The following ARAP2 variants were observed in gnomAD, a reference collection of about 807,000 sequenced individuals.
The protein encoded by ARAP2 is ArfGAP with RhoGAP domain, ankyrin repeat and PH domain 2, also known as arf-GAP with Rho-GAP domain, ANK repeat and PH domain-containing protein 2.
Under a neutral mutation model 194.5 loss-of-function variants are expected in ARAP2, and 148 were observed. The ratio of observed to expected loss-of-function variants is 0.76; its 90% CI spans 0.67 to 0.87. ARAP2 has a LOEUF of 0.87. Among genes scored for constraint, ARAP2 ranks in the 40% least tolerant of loss-of-function variants. The pLI, the probability that ARAP2 is intolerant of heterozygous loss-of-function variation, is 0.00. For missense variants in ARAP2, 2,128 were observed against 1,989.7 expected (o/e 1.07, Z -1.32); for synonymous variants, 695 against 683.5 (o/e 1.02, Z -0.26).
At chr4:36,132,001 TTAA>T (rs1725567609) in intron 20 of ARAP2, among the ~76,000 whole-genome samples, 1 of 151,750 alleles carries the variant, frequency 6.6e-6, no homozygotes, top group Non-Finnish European at 1.5e-5. Context: ...AATCTGGACA[TTAA>T]TAATTGCACT....
chr4:36,144,864 C>T (rs1729250349), intron 19 of ARAP2, among the ~76,000 whole-genome samples: 1 of 151,882 alleles, frequency 6.6e-6, no homozygotes. Flanking sequence ...CCTCCTCAAC[C>T]TACATATATA....
chr4:36,074,331 C>G (rs1197655269), intron 31 of ARAP2, among the ~76,000 whole-genome samples: 1 of 152,010 alleles, frequency 6.6e-6, no homozygotes, highest in Non-Finnish European at 1.5e-5. Context: ...GAAATATAAT[C>G]TTTTTACTCA....
intron 8 of ARAP2, 81 bp downstream of exon 8, chr4:36,187,370 T>G: frequency 3.0e-5 from 23 of 767,794 alleles, no homozygotes; most frequent in Non-Finnish European, 4.3e-5. Flanking sequence ...AAAGGTTTCT[T>G]GACATTCCTA....
At chr4:36,115,632 T>C (rs890669575) in intron 25 of ARAP2, among the ~76,000 whole-genome samples, 2 of 151,960 alleles carry the variant, frequency 1.3e-5, no homozygotes, top group African/African-American at 4.8e-5. Context: ...CCAGTCGAGA[T>C]TATGATGACC....
intron 3 of ARAP2, 119 bp from the exon 4 acceptor site, chr4:36,213,438 G>C (rs181425382): frequency 4.4e-6 from 3 of 676,966 alleles, no homozygotes; most frequent in Non-Finnish European, 7.5e-6. Flanking sequence ...GCTTTATTCT[G>C]TAAGAGTCCA....
chr4:36,147,964 G>T (rs1355359091), intron 17 of ARAP2, among the ~76,000 whole-genome samples: 1 of 152,036 alleles, frequency 6.6e-6, no homozygotes, highest in East Asian at 1.9e-4. Context: ...CATTTTTCTT[G>T]CTATGTATAG....
chr4:36,215,024 A>T (rs1747600330), intron 2 of ARAP2, among the ~76,000 whole-genome samples: 2 of 152,220 alleles, frequency 1.3e-5, no homozygotes, highest in Non-Finnish European at 2.9e-5. Flanking sequence ...ATTATTTAGA[A>T]TACAACATGA....
intron 6 of ARAP2, among the ~76,000 whole-genome samples, chr4:36,016,199 A>G (rs1290225783): frequency 6.6e-6 from 1 of 152,214 alleles, no homozygotes; most frequent in Non-Finnish European, 1.5e-5. Flanking sequence ...TTACAAAAGA[A>G]TATGTATAGT....
At position 36,107,647 on chromosome 4, in the gene ARAP2, C is replaced by T; in HGVS notation, c.4203G>A (p.Arg1401=). 6.2e-7 allele frequency: 1 copy of T among 1,610,682 alleles called. No individual in the cohort carries two copies. Among genetic ancestry groups the T allele is most frequent in the East Asian group, 2.2e-5 (1 of 44,612 alleles). Residue 1401 remains arginine, a synonymous_variant, in exon 27 of 33, where the codon CGG becomes CGA. Transcript: ENST00000303965. ...YKENVLEQVL[R]WSSLAEPGSA... ...AGCCAGGTTCAGCTAATGAACTCCACCGAAGCACCTGCTCCAGTACATTTT... is the reference window on the plus strand; with the variant it reads ...AGCCAGGTTCAGCTAATGAACTCCATCGAAGCACCTGCTCCAGTACATTTT...
chr4:36,074,591 T>C (rs1428817196), intron 31 of ARAP2, among the ~76,000 whole-genome samples: 1 of 152,030 alleles, frequency 6.6e-6, no homozygotes, highest in Non-Finnish European at 1.5e-5. Context: ...TTCCAGAATT[T>C]GGAAAAAGTA....
chr4:36,131,594 G>T (rs1725475546), intron 20 of ARAP2, among the ~76,000 whole-genome samples: 1 of 151,540 alleles, frequency 6.6e-6, no homozygotes, highest in Non-Finnish European at 1.5e-5. Context: ...AAAATCGAAT[G>T]CTGAGTTATT....
chr4:36,078,613 A>G (rs566545098), intron 31 of ARAP2, among the ~76,000 whole-genome samples: 1 of 152,296 alleles, frequency 6.6e-6, no homozygotes, highest in East Asian at 1.9e-4. Flanking sequence ...AAGAAGTAAA[A>G]AGAACAGAGG....
At chr4:36,042,447 G>T (rs1217116223) in intron 5 of ARAP2, among the ~76,000 whole-genome samples, 4 of 152,196 alleles carry the variant, frequency 2.6e-5, no homozygotes, top group Admixed American at 6.5e-5. Context: ...TGCTTAATGT[G>T]ATGGACTTTA....
chr4:36,007,006 C>A (rs1357412656), exon 10 of ARAP2: 1 of 151,966 alleles, frequency 6.6e-6, no homozygotes, highest in Non-Finnish European at 1.5e-5. Context: ...TGTGATCAGG[C>A]CATTGCACCT....
chr4:36,015,292 T>C (rs1715582916), intron 8 of ARAP2: 2 of 152,236 alleles, frequency 1.3e-5, no homozygotes, highest in Non-Finnish European at 2.9e-5. Context: ...ATAGCAAAGT[T>C]AAATGTCTAA....
chr4:36,143,465 TA>T (rs967487118), intron 19 of ARAP2, among the ~76,000 whole-genome samples: 1 of 151,296 alleles, frequency 6.6e-6, no homozygotes, highest in South Asian at 2.1e-4. Context: ...ACTTGATTTT[TA>T]AAAAAAAATT....
chr4:36,061,792 G>A (rs1006465499), downstream of ARAP2, among the ~76,000 whole-genome samples: 5 of 151,470 alleles, frequency 3.3e-5, no homozygotes, highest in Admixed American at 2.0e-4. Flanking sequence ...TTCCCTTTTC[G>A]CCACAATCTC....
intron 2 of ARAP2, among the ~76,000 whole-genome samples, chr4:36,227,245 GAGT>G (rs776404530): frequency 7.9e-5 from 12 of 152,126 alleles, no homozygotes; most frequent in Non-Finnish European, 1.8e-4. Flanking sequence ...TGTTCACATG[GAGT>G]AGGAGTGGCC....
At chr4:36,235,287 C>T (rs55958740) in intron 1 of ARAP2, among the ~76,000 whole-genome samples, 9,024 of 152,248 alleles carry the variant, frequency 0.059, 455 homozygotes, top group Admixed American at 0.13. Flanking sequence ...ATATCACTCC[C>T]TATGACTTCC....
Sources: allele counts gnomAD v4.1 joint callset (sites outside exome capture counted in the v4.1 genomes callset), GRCh38; gene constraint gnomAD v4.1.1; transcripts MANE v1.5; gene names NCBI Gene and HGNC (gene_info 2026-07-23, HGNC 2026-07-21).